NF1: variants seen among roughly 807,000 people sequenced by gnomAD.
NF1 encodes neurofibromin 1.
NF1 carries 122 observed loss-of-function variants against 325.7 expected under a neutral mutation model. That is an observed-to-expected ratio of 0.37 (90% confidence interval 0.32 to 0.44). The LOEUF (loss-of-function observed/expected upper bound fraction) is 0.44, where lower values mean the gene tolerates loss of function less well. Among genes scored for constraint, NF1 ranks in the 20% least tolerant of loss-of-function variants. NF1 has a pLI of 1.00. For missense variants in NF1, 2,140 were observed against 3,415.4 expected, an observed-to-expected ratio of 0.63 and a Z score of 9.31; for synonymous variants, 1,091 against 1,186.0, an observed-to-expected ratio of 0.92 and a Z score of 1.65.
chr17:31,198,603 A>G (rs548966642), intron 8 of NF1, among the ~76,000 whole-genome samples: 3 of 148,734 alleles, frequency 2.0e-5, no homozygotes, highest in Non-Finnish European at 4.5e-5. Flanking sequence ...TAGTGTCACC[A>G]CTTTTTTTGT....
intron 1 of NF1, among the ~76,000 whole-genome samples, chr17:31,123,510 T>G (rs1914612163): frequency 6.6e-6 from 1 of 152,220 alleles, no homozygotes; most frequent in Non-Finnish European, 1.5e-5. Flanking sequence ...AGTCTCTAAC[T>G]TCTAGTCTCA....
intron 8 of NF1, among the ~76,000 whole-genome samples, chr17:31,192,875 C>T (rs1303002547): frequency 6.6e-6 from 1 of 152,136 alleles, no homozygotes; most frequent in Non-Finnish European, 1.5e-5. Context: ...GCATGACTTC[C>T]TAGACCCCTT....
At chr17:31,106,486 G>C (rs985757278) in intron 1 of NF1, among the ~76,000 whole-genome samples, 2 of 152,132 alleles carry the variant, frequency 1.3e-5, no homozygotes, top group Non-Finnish European at 2.9e-5. Flanking sequence ...CTAGAGTATG[G>C]ATGTCTTGAC....
Position 31,325,957 on chromosome 17 carries a change from TTCTC to T in NF1, c.4977_4980del (p.Lys1661GlyfsTer36), listed in dbSNP as rs1085307459. On this transcript the variant is annotated frameshift_variant, in exon 37 of 58. Coordinates refer to ENST00000358273, the MANE Select transcript of NF1 (RefSeq NM_001042492.3). LOFTEE classifies it high-confidence loss of function. ...CCTAGCAATCGCTTTAAAACAGACT[TTCTC>T]TCTAAGTGGTTTGTTGTTTTTCCTG... 1 of 1,614,208 alleles carries T rather than the reference TTCTC, an allele frequency of 6.2e-7. No homozygotes were observed. Among genetic ancestry groups the T allele is most frequent in the Non-Finnish European group, 8.5e-7 (1 of 1,180,040 alleles).
chr17:31,125,896 T>C (rs961354406), intron 1 of NF1, among the ~76,000 whole-genome samples: 4 of 152,338 alleles, frequency 2.6e-5, no homozygotes, highest in East Asian at 1.9e-4. Flanking sequence ...TATAGAAGTA[T>C]TCCTATTGCT....
At chr17:31,132,854 A>G (rs897110734) in intron 1 of NF1, among the ~76,000 whole-genome samples, 2 of 151,886 alleles carry the variant, frequency 1.3e-5, no homozygotes, top group Non-Finnish European at 2.9e-5. Flanking sequence ...TTTAGTAGAG[A>G]TGGGATTTCA....
intron 32 of NF1, among the ~76,000 whole-genome samples, 167 bp from the exon 33 acceptor site, chr17:31,258,865 G>A (rs987111496): frequency 1.3e-5 from 2 of 151,928 alleles, no homozygotes; most frequent in African/African-American, 2.4e-5. Flanking sequence ...TATTTGGGAA[G>A]GTTAGAAACA....
chr17:31,149,270 A>G (rs569231669), intron 1 of NF1, among the ~76,000 whole-genome samples: 1 of 151,490 alleles, frequency 6.6e-6, no homozygotes, highest in East Asian at 1.9e-4. Flanking sequence ...ATACACTTAT[A>G]TACATGTACA....
chr17:31,273,547 G>A (rs1214970605), intron 36 of NF1: 2 of 152,140 alleles, frequency 1.3e-5, no homozygotes, highest in South Asian at 2.1e-4. Flanking sequence ...GCTCTAATAT[G>A]TAATTGAGAA....
intron 31 of NF1, chr17:31,253,969 T>C (rs1182210864): frequency 6.6e-6 from 1 of 152,076 alleles, no homozygotes; most frequent in Non-Finnish European, 1.5e-5. Flanking sequence ...ACTTTACATA[T>C]AATAAAAGCT....
chr17:31,371,294 G>A (rs1163421126), intron 57 of NF1, among the ~76,000 whole-genome samples: 1 of 152,070 alleles, frequency 6.6e-6, no homozygotes, highest in East Asian at 1.9e-4. Context: ...AGAATCATAG[G>A]CAAGTTAATT....
chr17:31,255,021 A>G (rs969668882), intron 31 of NF1, among the ~76,000 whole-genome samples: 1 of 152,242 alleles, frequency 6.6e-6, no homozygotes, highest in Non-Finnish European at 1.5e-5. Flanking sequence ...TATGTAAAAT[A>G]TAGAGAGAAG....
intron 23 of NF1, 116 bp from the exon 24 acceptor site, chr17:31,230,726 G>A (rs2067098870): frequency 2.4e-6 from 2 of 827,422 alleles, no homozygotes. Context: ...AAGTCGTCAT[G>A]TCACTTAGGT....
Position 31,335,290 on chromosome 17 carries a change from A to ATATATATATATATATATG in NF1, c.6006+265_6006+266insTATATATATATGTATATA, listed in dbSNP as rs371429803. Among the ~76,000 whole-genome samples the ATATATATATATATATATG allele has an allele frequency of 1.4e-3, 103 of 71,630 alleles. 18 individuals carry two copies. Among genetic ancestry groups the ATATATATATATATATATG allele is most frequent in the East Asian group, 5.4e-3 (16 of 2,986 alleles). 47.0% of individuals were successfully genotyped at this position (71,630 alleles called of 152,430 possible). A position where few individuals can be genotyped will look rare whatever the true frequency, so the allele number is the denominator to read the frequency against. On this transcript the variant is annotated intron_variant, in intron 40 of 57. Coordinates refer to ENST00000358273, the MANE Select transcript of NF1 (RefSeq NM_001042492.3). The stretch of plus-strand genomic sequence containing the variant: ...AAGGCATAATTATATATATATATAT[A>ATATATATATATATATATG]TATATAATTATGCCTTGAAGGAGAC...
intron 51 of NF1, 59 bp downstream of exon 51, chr17:31,352,473 C>T (rs2070175269): frequency 7.1e-7 from 1 of 1,412,894 alleles, no homozygotes; most frequent in Admixed American, 2.7e-5. Context: ...GATATTTTTA[C>T]TCTTGGAAAA....
At chr17:31,233,892 A>G (rs2043031070) in intron 27 of NF1, among the ~76,000 whole-genome samples, 1 of 152,208 alleles carries the variant, frequency 6.6e-6, no homozygotes, top group Non-Finnish European at 1.5e-5. Context: ...CTGTACTTAA[A>G]GTAAAATTCA....
chr17:31,357,592 T>C, intron 54 of NF1: 1 of 575,650 alleles, frequency 1.7e-6, no homozygotes, highest in East Asian at 2.9e-5. Flanking sequence ...TTGATTTATT[T>C]AAGTGGTTTA....
intron 56 of NF1, 123 bp from the exon 57 acceptor site, chr17:31,360,364 T>C (rs993980684): frequency 1.2e-6 from 1 of 806,700 alleles, no homozygotes; most frequent in Non-Finnish European, 2.0e-6. Flanking sequence ...CCTTTTTTAA[T>C]GATAAGTAAT....
At chr17:31,220,308 G>A (rs765221192) in intron 14 of NF1, among the ~76,000 whole-genome samples, 16 of 152,068 alleles carry the variant, frequency 1.1e-4, no homozygotes, top group Non-Finnish European at 2.1e-4. Context: ...CACTTACTAC[G>A]TAATCATTGC....
Sources: allele counts gnomAD v4.1 joint callset (sites outside exome capture counted in the v4.1 genomes callset), GRCh38; gene constraint gnomAD v4.1.1; transcripts MANE v1.5; gene names NCBI Gene and HGNC (gene_info 2026-07-23, HGNC 2026-07-21).